The following GRB14 variants were observed in gnomAD, a reference collection of about 807,000 sequenced individuals.
GRB14 encodes the protein growth factor receptor bound protein 14, also known as growth factor receptor-bound protein 14.
Under a neutral mutation model 69.1 loss-of-function variants are expected in GRB14, and 38 were observed. The ratio of observed to expected loss-of-function variants is 0.55; its 90% CI spans 0.42 to 0.72. GRB14 has a LOEUF of 0.72. Among genes scored for constraint, GRB14 ranks in the 30% least tolerant of loss-of-function variants. The probability of loss-of-function intolerance (pLI) is 0.00; values close to 1 mark genes in which losing one functional copy is unlikely to be tolerated. For missense variants in GRB14, 666 were observed against 666.1 expected, an observed-to-expected ratio of 1.00 and a Z score of 0.00; for synonymous variants, 247 against 241.3, an observed-to-expected ratio of 1.02 and a Z score of -0.22.
intron 2 of GRB14, among the ~76,000 whole-genome samples, chr2:164,594,623 A>T (rs1298124067): frequency 6.6e-6 from 1 of 152,150 alleles, no homozygotes; most frequent in Non-Finnish European, 1.5e-5. Flanking sequence ...AGAACTTTGG[A>T]CTCACCCATA....
rs377763019 is a variant in GRB14, at chr2:164,514,466, T to C, written c.817-5614A>G. Among the ~76,000 whole-genome samples, 6 of 152,056 alleles carry C rather than the reference T, an allele frequency of 3.9e-5. No individual in the cohort carries two copies. In the East Asian group the frequency reaches 1.2e-3, roughly 30 times the overall value. On this transcript the variant is annotated intron_variant, in intron 6 of 13. Coordinates refer to ENST00000263915, the MANE Select transcript of GRB14 (RefSeq NM_004490.3). ...GAAGGTCCAGATCACAGGAGAAGGA[T>C]TTGACATTACCTACAGCTGAGACAA... is the stretch of plus-strand genomic sequence containing the variant.
chr2:164,532,093 A>C (rs1327439475), intron 3 of GRB14, among the ~76,000 whole-genome samples: 5 of 152,210 alleles, frequency 3.3e-5, no homozygotes, highest in African/African-American at 1.2e-4. Flanking sequence ...TAAAAGTTAG[A>C]CAGATATCCC....
At chr2:164,582,293 T>C (rs1163569346) in intron 2 of GRB14, among the ~76,000 whole-genome samples, 1 of 152,186 alleles carries the variant, frequency 6.6e-6, no homozygotes, top group African/African-American at 2.4e-5. Flanking sequence ...TGGGAGTCAT[T>C]TTTGACATTT....
At chr2:164,508,345 C>T in intron 8 of GRB14, 110 bp downstream of exon 8, 1 of 766,966 alleles carries the variant, frequency 1.3e-6, no homozygotes. Flanking sequence ...TATTTTTCTT[C>T]TTTCTCATGT....
chr2:164,522,144 A>T (rs1174954921), intron 5 of GRB14, 27 bp from the exon 6 acceptor site: 2 of 1,357,034 alleles, frequency 1.5e-6, no homozygotes, highest in East Asian at 4.6e-5. Flanking sequence ...ATATTTTCAA[A>T]CTATGATTAA....
In GRB14 at chr2:164,528,468, T is replaced by A. The variant is rs1156945260; in HGVS notation, c.482-1333A>T. On this transcript the variant is annotated intron_variant, in intron 3 of 13. Transcript: ENST00000263915. ...TCAGAAATTCAACATTCAGTAGTGATTTGTGACCTACAACACCCAAACTCT... is the reference window on the plus strand; with the variant it reads ...TCAGAAATTCAACATTCAGTAGTGAATTGTGACCTACAACACCCAAACTCT... 2.0e-5 allele frequency among the ~76,000 whole-genome samples: 3 copies of A among 152,114 alleles called. No individual in the cohort carries two copies. The East Asian group carries it at 5.8e-4, about 29-fold the overall frequency.
At chr2:164,503,442 C>CAAAAAAAAA (rs148268784) in intron 8 of GRB14, among the ~76,000 whole-genome samples, 3 of 92,236 alleles carry the variant, frequency 3.3e-5, no homozygotes, top group Non-Finnish European at 5.5e-5. Context: ...GGTAATTAGG[C>CAAAAAAAAA]AAAAAAAAAA....
At chr2:164,603,217 G>GA (rs1394392567) in intron 2 of GRB14, among the ~76,000 whole-genome samples, 1 of 150,900 alleles carries the variant, frequency 6.6e-6, no homozygotes, top group African/African-American at 2.4e-5. Context: ...AATACATGAT[G>GA]AAAAAATGTT....
intron 2 of GRB14, among the ~76,000 whole-genome samples, chr2:164,549,863 AAAAAT>A (rs10557491): frequency 0.33 from 35,731 of 109,486 alleles, 7,472 homozygotes; most frequent in Non-Finnish European, 0.44. Flanking sequence ...GACTCCATCT[AAAAAT>A]AAAATAAAAT....
chr2:164,535,826 T>C lies in GRB14; in HGVS notation c.482-8691A>G, dbSNP rs75426712. Among the ~76,000 whole-genome samples, 572 of 152,222 alleles carry C rather than the reference T, an allele frequency of 3.8e-3. 3 individuals are homozygous for C. Among genetic ancestry groups the C allele is most frequent in the African/African-American group, 0.013 (543 of 41,542 alleles). On this transcript the variant is annotated intron_variant, in intron 3 of 13. Coordinates refer to ENST00000263915, the MANE Select transcript of GRB14 (RefSeq NM_004490.3). Reference sequence around the variant, plus strand: ...CTCCCCAAGTGCAATAATAGGAAAATTGTGACACTTCAGCTTGATGGCTAT... The same window carrying C: ...CTCCCCAAGTGCAATAATAGGAAAACTGTGACACTTCAGCTTGATGGCTAT...
At chr2:164,591,153 C>T (rs1011309828) in intron 2 of GRB14, among the ~76,000 whole-genome samples, 2 of 152,192 alleles carry the variant, frequency 1.3e-5, no homozygotes, top group African/African-American at 4.8e-5. Flanking sequence ...AAATACTCTT[C>T]CACATCAATC....
Position 164,621,045 on chromosome 2 carries a change from C to T in GRB14, c.191+74G>A, listed in dbSNP as rs926848892. The T allele has an allele frequency of 2.1e-5, 25 of 1,197,684 alleles. No individual in the cohort carries two copies. Among genetic ancestry groups the T allele is most frequent in the Non-Finnish European group, 2.4e-5 (23 of 946,920 alleles). 74.2% of individuals were successfully genotyped at this position (1,197,684 alleles called of 1,614,324 possible). A position where few individuals can be genotyped will look rare whatever the true frequency, so the allele number is the denominator to read the frequency against. ...CCAGCTCTGGGCACATGGCTCACCC[C>T]CTAGGACCGCCTCCTCACCCCCTCG... is the stretch of plus-strand genomic sequence containing the variant. On this transcript the variant is annotated intron_variant, in intron 1 of 13. Coordinates refer to ENST00000263915, the MANE Select transcript of GRB14 (RefSeq NM_004490.3). The surrounding 1 kb of genome is among the most constrained non-coding windows in gnomAD (Gnocchi z 6.0).
At chr2:164,587,000 G>T (rs762680682) in intron 2 of GRB14, among the ~76,000 whole-genome samples, 2 of 152,086 alleles carry the variant, frequency 1.3e-5, no homozygotes, top group South Asian at 2.1e-4. Flanking sequence ...AAGACCGTAG[G>T]CATGAGATTA....
At chr2:164,523,323 G>A (rs1236449777) in intron 5 of GRB14, among the ~76,000 whole-genome samples, 2 of 151,878 alleles carry the variant, frequency 1.3e-5, no homozygotes, top group South Asian at 4.1e-4. Context: ...GGCATGTGTT[G>A]GTCAAGAAAA....
intron 6 of GRB14, among the ~76,000 whole-genome samples, chr2:164,510,182 C>T (rs1687303860): frequency 6.6e-6 from 1 of 152,258 alleles, no homozygotes; most frequent in East Asian, 1.9e-4. Flanking sequence ...CCATTCCTGT[C>T]CACTGATGCT....
At chr2:164,502,409 A>C in intron 8 of GRB14, 74 bp from the exon 9 acceptor site, 1 of 870,600 alleles carries the variant, frequency 1.1e-6, no homozygotes, top group African/African-American at 1.7e-5. Context: ...CAACACTTTC[A>C]TCAATTATAC....
chr2:164,536,325 A>G (rs1043995738), intron 3 of GRB14, among the ~76,000 whole-genome samples: 1 of 152,220 alleles, frequency 6.6e-6, no homozygotes, highest in African/African-American at 2.4e-5. Flanking sequence ...TTACAGCAGC[A>G]AAGAAGATGT....
chr2:164,495,879 G>GTATC (rs1282316076), intron 12 of GRB14, among the ~76,000 whole-genome samples: 15 of 152,250 alleles, frequency 9.9e-5, no homozygotes, highest in African/African-American at 3.1e-4. Flanking sequence ...AAATAAGATA[G>GTATC]TATCTTTTTT....
chr2:164,611,871 G>C (rs1328046129), intron 2 of GRB14, among the ~76,000 whole-genome samples: 3 of 152,032 alleles, frequency 2.0e-5, no homozygotes, highest in Admixed American at 1.3e-4. Flanking sequence ...CAGAGGCTAA[G>C]AGGGAGCTTC....
Sources: allele counts gnomAD v4.1 joint callset (sites outside exome capture counted in the v4.1 genomes callset), GRCh38; gene constraint gnomAD v4.1.1; non-coding constraint Gnocchi (gnomAD v3.1); transcripts MANE v1.5; gene names NCBI Gene and HGNC (gene_info 2026-07-23, HGNC 2026-07-21).